DLG2: variants seen among roughly 807,000 people sequenced by gnomAD.
DLG2 encodes discs large MAGUK scaffold protein 2, also known as disks large homolog 2.
Under a neutral mutation model 132.5 loss-of-function variants are expected in DLG2, and 45 were observed. The ratio of observed to expected loss-of-function variants is 0.34; its 90% CI spans 0.27 to 0.44. The LOEUF (loss-of-function observed/expected upper bound fraction) is 0.44. DLG2 is among the 20% of genes least tolerant of loss of function. The pLI is 1.00. For synonymous variants in DLG2, 424 were observed against 419.6 expected (o/e 1.01, Z -0.13); for missense variants, 1,045 against 1,196.9 (o/e 0.87, Z 1.87).
intron 6 of DLG2, among the ~76,000 whole-genome samples, chr11:84,802,516 A>T (rs1287956132): frequency 6.6e-6 from 1 of 151,936 alleles, no homozygotes; most frequent in Non-Finnish European, 1.5e-5. Context: ...TTATGGAGTG[A>T]CCAACCCCAG....
chr11:85,423,790 C>T (rs1228265284), intron 3 of DLG2, among the ~76,000 whole-genome samples: 2 of 152,186 alleles, frequency 1.3e-5, no homozygotes, highest in East Asian at 3.9e-4. Flanking sequence ...CCCCCACCAA[C>T]AGAACTGAGT....
intron 6 of DLG2, among the ~76,000 whole-genome samples, chr11:85,066,544 C>A (rs867274590): frequency 2.0e-5 from 3 of 151,544 alleles, no homozygotes; most frequent in East Asian, 1.9e-4. Context: ...AAATTCTCAA[C>A]AAAATACTAG....
intron 11 of DLG2, among the ~76,000 whole-genome samples, chr11:83,986,026 G>C (rs2093265488): frequency 1.3e-5 from 2 of 151,034 alleles, no homozygotes; most frequent in South Asian, 4.2e-4. Context: ...TTGTTTTTTT[G>C]ACTTTTTTTT....
In DLG2 at chr11:84,464,268, G is replaced by A. The variant is rs2099088220; in HGVS notation, c.519+70302C>T. Among the ~76,000 whole-genome samples, 3 of 151,072 alleles carry A rather than the reference G, an allele frequency of 2.0e-5. 1 individual carries two copies. Among genetic ancestry groups the A allele is most frequent in the South Asian group, 2.1e-4 (1 of 4,820 alleles). On this transcript the variant is annotated intron_variant, in intron 7 of 27. Transcript: ENST00000376104. ...TCAACAGAGAATAATATGTATAATG[G>A]CAGCTGCTACAACAGAGGTATGAAC...
chr11:84,365,779 C>A (rs572080522), intron 7 of DLG2, among the ~76,000 whole-genome samples: 16 of 152,078 alleles, frequency 1.1e-4, no homozygotes, highest in African/African-American at 3.9e-4. Context: ...ACCCAGTAGT[C>A]ATTCAGGAGC....
At chr11:84,831,318 G>A (rs1014317467) in intron 6 of DLG2, among the ~76,000 whole-genome samples, 4 of 151,486 alleles carry the variant, frequency 2.6e-5, no homozygotes, top group Non-Finnish European at 5.9e-5. Flanking sequence ...ACGAATAGCT[G>A]CTACTTATCT....
intron 6 of DLG2, chr11:85,021,264 T>C: frequency 1.5e-6 from 2 of 1,300,030 alleles, no homozygotes; most frequent in South Asian, 2.4e-5. Flanking sequence ...GAGGAGGAGG[T>C]ACACGTGCTG....
At chr11:85,020,816 C>T (rs567832756) in intron 6 of DLG2, 49 of 735,328 alleles carry the variant, frequency 6.7e-5, no homozygotes, top group African/African-American at 5.0e-4. Flanking sequence ...TTTTCATCAT[C>T]CTTGATCAGC....
At chr11:84,567,863 C>T (rs892611109) in intron 6 of DLG2, among the ~76,000 whole-genome samples, 6 of 152,190 alleles carry the variant, frequency 3.9e-5, no homozygotes, top group African/African-American at 1.4e-4. Flanking sequence ...CTGTGTGGCT[C>T]TACACAACTG....
At chr11:84,692,027 T>C (rs976796344) in intron 6 of DLG2, among the ~76,000 whole-genome samples, 3 of 151,808 alleles carry the variant, frequency 2.0e-5, no homozygotes, top group Admixed American at 1.3e-4. Flanking sequence ...GTACTTTTTA[T>C]AGACTTCTAT....
intron 6 of DLG2, among the ~76,000 whole-genome samples, chr11:84,843,060 C>A (rs1242798132): frequency 1.3e-5 from 2 of 151,828 alleles, no homozygotes; most frequent in Non-Finnish European, 2.9e-5. Flanking sequence ...ATCTGCTGTA[C>A]AACATAGTGC....
chr11:84,321,313 C>T (rs1338912209), intron 7 of DLG2, among the ~76,000 whole-genome samples: 2 of 152,174 alleles, frequency 1.3e-5, no homozygotes, highest in African/African-American at 4.8e-5. Context: ...TACACCCTTG[C>T]TCTAATTCTC....
At chr11:84,972,880 C>G (rs2054296961) in intron 6 of DLG2, among the ~76,000 whole-genome samples, 1 of 151,864 alleles carries the variant, frequency 6.6e-6, no homozygotes, top group Non-Finnish European at 1.5e-5. Context: ...TGCCTGGGTT[C>G]AATTTTTAGT....
chr11:85,235,976 A>T (rs948623871), intron 4 of DLG2, among the ~76,000 whole-genome samples: 3 of 151,890 alleles, frequency 2.0e-5, no homozygotes, highest in Non-Finnish European at 2.9e-5. Flanking sequence ...AGATAAAAAC[A>T]CTGCGCATAT....
chr11:85,010,512 C>T (rs1283448424), intron 6 of DLG2, among the ~76,000 whole-genome samples: 1 of 152,046 alleles, frequency 6.6e-6, no homozygotes, highest in Non-Finnish European at 1.5e-5. Context: ...TTGGATTGTC[C>T]TCTCTATAAA....
At chr11:84,867,375 G>C (rs1180641110) in intron 6 of DLG2, among the ~76,000 whole-genome samples, 2 of 152,170 alleles carry the variant, frequency 1.3e-5, no homozygotes, top group Non-Finnish European at 2.9e-5. Flanking sequence ...ATGGTGAACA[G>C]AGACAGTTGT....
chr11:83,462,387 C>A (rs1019039093), intron 26 of DLG2, among the ~76,000 whole-genome samples: 2 of 152,182 alleles, frequency 1.3e-5, no homozygotes, highest in Non-Finnish European at 2.9e-5. Flanking sequence ...TAATATCCTC[C>A]ATGGTAGGCC....
chr11:84,982,959 A>G (rs969314451), intron 6 of DLG2, among the ~76,000 whole-genome samples: 4 of 152,194 alleles, frequency 2.6e-5, no homozygotes, highest in African/African-American at 9.6e-5. Context: ...AAACCTACAG[A>G]TAACATTATA....
At chr11:84,784,997 T>A (rs1226055376) in intron 6 of DLG2, among the ~76,000 whole-genome samples, 1 of 152,124 alleles carries the variant, frequency 6.6e-6, no homozygotes, top group Non-Finnish European at 1.5e-5. Flanking sequence ...CATATGTTAA[T>A]TAGCTAGATT....
Sources: gnomAD v4.1 joint callset for allele counts (sites outside exome capture counted in the v4.1 genomes callset) on GRCh38, gnomAD v4.1.1 for gene constraint, MANE v1.5 for transcripts, NCBI Gene and HGNC (gene_info 2026-07-23, HGNC 2026-07-21) for gene names.